The following ITGBL1 variants were observed in gnomAD, a reference collection of about 807,000 sequenced individuals.
ITGBL1 encodes integrin subunit beta like 1.
A neutral mutation model predicts 68.5 loss-of-function variants in ITGBL1; 51 were observed. The observed-to-expected ratio is 0.74, with a 90% CI of 0.59 to 0.94. ITGBL1 has a LOEUF of 0.94. Ranked by LOEUF, ITGBL1 falls within the 40% of genes least tolerant of loss-of-function variation. ITGBL1 has a pLI of 0.00. For missense variants in ITGBL1, 649 were observed against 647.4 expected, an observed-to-expected ratio of 1.00 and a Z score of -0.03; for synonymous variants, 209 against 227.3, an observed-to-expected ratio of 0.92 and a Z score of 0.72.
chr13:101,468,161 A>G (rs184543184), intron 2 of ITGBL1, among the ~76,000 whole-genome samples: 2 of 152,324 alleles, frequency 1.3e-5, no homozygotes, highest in Admixed American at 6.5e-5. Flanking sequence ...AAGACAAGTT[A>G]TAGACTATTT....
chr13:101,635,562 T>C (rs1425810236), intron 7 of ITGBL1, among the ~76,000 whole-genome samples: 1 of 152,076 alleles, frequency 6.6e-6, no homozygotes. Context: ...AAGAAATATA[T>C]GAAATGTGGC....
intron 5 of ITGBL1, among the ~76,000 whole-genome samples, chr13:101,579,805 A>T (rs1415516354): frequency 6.6e-6 from 1 of 152,168 alleles, no homozygotes; most frequent in Non-Finnish European, 1.5e-5. Flanking sequence ...ATCCGTAGAG[A>T]ATTCAGAAAA....
chr13:101,570,422 C>A (rs946914456), intron 3 of ITGBL1, among the ~76,000 whole-genome samples: 23 of 152,080 alleles, frequency 1.5e-4, no homozygotes, highest in African/African-American at 5.6e-4. Flanking sequence ...TCCAAACAGC[C>A]CTGATTCCTT....
chr13:101,598,099 C>T lies in ITGBL1; in HGVS notation c.869-54C>T, dbSNP rs562271334. The T allele has an allele frequency of 1.7e-5, 25 of 1,497,420 alleles. No homozygotes were observed. In the African/African-American group the frequency reaches 3.3e-4, roughly 20 times the overall value. The allele number at this position is 1,497,420 out of a possible 1,614,324, so 92.8% of individuals were successfully genotyped here. On this transcript the variant is annotated intron_variant, in intron 6 of 10. Transcript: ENST00000376180. The stretch of plus-strand genomic sequence containing the variant: ...TTTGCTGTTAGAATGAAAACTAATT[C>T]CAACTTCATTATCTTTATGTACATT...
intron 7 of ITGBL1, among the ~76,000 whole-genome samples, chr13:101,655,673 C>T (rs2032898321): frequency 6.6e-6 from 1 of 152,208 alleles, no homozygotes; most frequent in South Asian, 2.1e-4. Flanking sequence ...TTCCTGCCAA[C>T]ATTCATTTGC....
intron 2 of ITGBL1, among the ~76,000 whole-genome samples, chr13:101,524,127 T>TA (rs1278791887): frequency 8.2e-6 from 1 of 122,002 alleles, no homozygotes; most frequent in Non-Finnish European, 1.8e-5. Context: ...ACTTTTTTTT[T>TA]AATTTTTTTT....
At chr13:101,584,999 G>A (rs937202753) in intron 6 of ITGBL1, among the ~76,000 whole-genome samples, 10 of 152,110 alleles carry the variant, frequency 6.6e-5, no homozygotes, top group Admixed American at 6.5e-4. Context: ...GATAGAATCT[G>A]TGTATAGGAC....
intron 7 of ITGBL1, among the ~76,000 whole-genome samples, chr13:101,632,163 A>C (rs540653970): frequency 1.3e-5 from 2 of 151,908 alleles, no homozygotes; most frequent in Non-Finnish European, 2.9e-5. Context: ...ATATATATAT[A>C]TCTGACAATA....
At chr13:101,526,923 A>G (rs558082281) in intron 2 of ITGBL1, among the ~76,000 whole-genome samples, 22 of 152,206 alleles carry the variant, frequency 1.4e-4, no homozygotes, top group Admixed American at 1.4e-3. Flanking sequence ...ACATAATGCC[A>G]TAATCACACC....
rs1237001428 is a variant in ITGBL1, at chr13:101,676,945, G to A, written c.1016-15640G>A. Among the ~76,000 whole-genome samples, 7 of 152,166 alleles carry A rather than the reference G, an allele frequency of 4.6e-5. No homozygotes were observed. The South Asian group carries it at 1.0e-3, about 23-fold the overall frequency. On this transcript the variant is annotated intron_variant, in intron 7 of 10. Coordinates refer to ENST00000376180, the MANE Select transcript of ITGBL1 (RefSeq NM_004791.3). ...CAGTCGAGGCCAGGAGTTGGGTGGC[G>A]AAACTCCATCTCTGCTAAAAATATA... is the stretch of plus-strand genomic sequence containing the variant.
intron 2 of ITGBL1, among the ~76,000 whole-genome samples, chr13:101,524,799 C>T (rs186096662): frequency 1.3e-5 from 2 of 149,614 alleles, no homozygotes. Flanking sequence ...TGACGTATAG[C>T]TGTCATCACT....
Position 101,504,550 on chromosome 13 carries a change from C to A in ITGBL1, c.316+50450C>A, listed in dbSNP as rs7991624. Among the ~76,000 whole-genome samples, 600 of 152,228 alleles carry A rather than the reference C, an allele frequency of 3.9e-3. 8 individuals carry two copies. Among genetic ancestry groups the A allele is most frequent in the Middle Eastern group, 0.014 (4 of 294 alleles). Reference sequence around the variant, plus strand: ...ATCAAGAACATCAAAATGCTATTATCCATCCACAACTAATATTTACAACCA... The same window carrying A: ...ATCAAGAACATCAAAATGCTATTATACATCCACAACTAATATTTACAACCA... On this transcript the variant is annotated intron_variant, in intron 2 of 10. Coordinates refer to ENST00000376180, the MANE Select transcript of ITGBL1 (RefSeq NM_004791.3).
chr13:101,547,133 T>A (rs1163014649), intron 2 of ITGBL1, among the ~76,000 whole-genome samples: 1 of 132,024 alleles, frequency 7.6e-6, no homozygotes, highest in Non-Finnish European at 1.6e-5. Context: ...TGTTTGTGTC[T>A]ATATAACCTA....
chr13:101,500,393 G>C (rs1187494410), intron 2 of ITGBL1, among the ~76,000 whole-genome samples: 1 of 152,132 alleles, frequency 6.6e-6, no homozygotes, highest in African/African-American at 2.4e-5. Flanking sequence ...AAAATGTCAT[G>C]TTGCTCTTTG....
rs80130117 is a variant in ITGBL1 at position 101,461,850 on chromosome 13, T to G, written c.316+7750T>G. 5.0e-3 allele frequency among the ~76,000 whole-genome samples: 754 copies of G among 152,282 alleles called. 37 individuals are homozygous for G. The East Asian group carries it at 0.11, about 23-fold the overall frequency. On this transcript the variant is annotated intron_variant, in intron 2 of 10. Transcript: ENST00000376180. ...TTTTTCTATTGCTGCTACAACAAAT[T>G]ACCACAAACCTTGAGGCTTAAACAG...
intron 2 of ITGBL1, among the ~76,000 whole-genome samples, chr13:101,509,636 G>C (rs2049083793): frequency 6.6e-6 from 1 of 151,970 alleles, no homozygotes; most frequent in East Asian, 1.9e-4. Flanking sequence ...TTTCAGATTT[G>C]AAACTGATCA....
chr13:101,715,539 A>G, intron 10 of ITGBL1, 24 bp from the exon 11 acceptor site: 1 of 1,510,644 alleles, frequency 6.6e-7, no homozygotes. Flanking sequence ...CATAATCATG[A>G]TACCTATATG....
At chr13:101,695,965 T>C (rs2033991731) in intron 8 of ITGBL1, among the ~76,000 whole-genome samples, 1 of 152,192 alleles carries the variant, frequency 6.6e-6, no homozygotes, top group African/African-American at 2.4e-5. Flanking sequence ...TCTTGTCCCT[T>C]GTGGGCTCCT....
intron 2 of ITGBL1, among the ~76,000 whole-genome samples, chr13:101,478,775 A>G (rs369575976): frequency 3.9e-5 from 6 of 152,216 alleles, no homozygotes; most frequent in Admixed American, 2.6e-4. Context: ...AGATCTCTAC[A>G]ATGAAAACTA....
Sources: gnomAD v4.1 joint callset for allele counts (sites outside exome capture counted in the v4.1 genomes callset) on GRCh38, gnomAD v4.1.1 for gene constraint, MANE v1.5 for transcripts, NCBI Gene and HGNC (gene_info 2026-07-23, HGNC 2026-07-21) for gene names.